FERRY3: variants seen among roughly 807,000 people sequenced by gnomAD.
FERRY3 encodes protein C12orf4.
the FERRY3 span, among the ~76,000 whole-genome samples, chr12:4,496,682 G>C: frequency 6.6e-6 from 1 of 152,152 alleles, no homozygotes; most frequent in African/African-American, 2.4e-5. Context: ...TACTCAACTT[G>C]AATCCTCTCA....
At chr12:4,514,160 G>C in the FERRY3 span, among the ~76,000 whole-genome samples, 1 of 151,538 alleles carries the variant, frequency 6.6e-6, no homozygotes, top group Non-Finnish European at 1.5e-5. Flanking sequence ...ATCATTACTG[G>C]CCATCAGAGA....
the FERRY3 span, among the ~76,000 whole-genome samples, chr12:4,519,734 G>A: frequency 1.3e-5 from 2 of 152,196 alleles, no homozygotes; most frequent in Non-Finnish European, 2.9e-5. This position sits in a 1 kb window ranked among gnomAD's most constrained non-coding sequence, Gnocchi z 4.3. Context: ...ATTACCACCT[G>A]AGCTCCACCT....
At chr12:4,516,395 A>G in the FERRY3 span, among the ~76,000 whole-genome samples, 1 of 152,236 alleles carries the variant, frequency 6.6e-6, no homozygotes, top group African/African-American at 2.4e-5. Flanking sequence ...AAATCATTCT[A>G]TATAAAGATA....
the FERRY3 span, among the ~76,000 whole-genome samples, chr12:4,504,651 A>G: frequency 6.6e-6 from 1 of 152,232 alleles, no homozygotes; most frequent in South Asian, 2.1e-4. Flanking sequence ...TATAGTTTAT[A>G]TTTCAGAGTA....
chr12:4,516,124 A>G, the FERRY3 span, among the ~76,000 whole-genome samples: 2 of 152,200 alleles, frequency 1.3e-5, no homozygotes, highest in African/African-American at 4.8e-5. Context: ...ATATGACATA[A>G]AAAGGTGTGT....
chr12:4,529,955 A>C, the FERRY3 span: 1 of 1,613,566 alleles, frequency 6.2e-7, no homozygotes, highest in South Asian at 1.1e-5. Context: ...AATTTAAGAG[A>C]GTTTCAGAGG....
At chr12:4,503,696 T>C in the FERRY3 span, among the ~76,000 whole-genome samples, 193 of 152,244 alleles carry the variant, frequency 1.3e-3, 1 homozygote, top group African/African-American at 4.4e-3. Context: ...AGATAAAGTA[T>C]ACAAATAAGA....
At chr12:4,525,328 G>A in the FERRY3 span, 1 of 1,613,306 alleles carries the variant, frequency 6.2e-7, no homozygotes, top group Admixed American at 1.7e-5. Flanking sequence ...CTTGTTTTTG[G>A]ATGGCAGTTG....
the FERRY3 span, among the ~76,000 whole-genome samples, chr12:4,532,928 C>T: frequency 6.6e-6 from 1 of 152,184 alleles, no homozygotes; most frequent in Non-Finnish European, 1.5e-5. Flanking sequence ...GCAGAAAAAT[C>T]ACAAAACTCT....
the FERRY3 span, chr12:4,489,990 C>G: frequency 6.1e-6 from 5 of 821,234 alleles, no homozygotes; most frequent in Non-Finnish European, 9.6e-6. Context: ...GGACCTAGTT[C>G]TACTAGGAAT....
chr12:4,500,407 A>G, the FERRY3 span: 1 of 1,406,984 alleles, frequency 7.1e-7, no homozygotes, highest in East Asian at 2.4e-5. Flanking sequence ...AATGGGCTTT[A>G]TAAGTAAGTG....
the FERRY3 span, chr12:4,490,537 T>C: frequency 1.2e-6 from 2 of 1,606,164 alleles, no homozygotes; most frequent in Non-Finnish European, 1.7e-6. Context: ...GTACTAGAAA[T>C]TGCACTGTCC....
chr12:4,492,853 C>G, the FERRY3 span, among the ~76,000 whole-genome samples: 1 of 152,178 alleles, frequency 6.6e-6, no homozygotes, highest in Non-Finnish European at 1.5e-5. Context: ...GTAAGCCTTT[C>G]TTTTACTATT....
chr12:4,534,513 C>G, the FERRY3 span, among the ~76,000 whole-genome samples: 5,521 of 152,206 alleles, frequency 0.036, 332 homozygotes, highest in African/African-American at 0.12. Context: ...CAGTGATCCT[C>G]CCACCTCAGC....
chr12:4,509,363 C>A, the FERRY3 span: 1 of 171,830 alleles, frequency 5.8e-6, no homozygotes, highest in South Asian at 1.4e-4. Flanking sequence ...GTAAACAAAG[C>A]AGCCGGGAAG....
At chr12:4,502,068 G>C in the FERRY3 span, among the ~76,000 whole-genome samples, 1 of 152,204 alleles carries the variant, frequency 6.6e-6, no homozygotes, top group Non-Finnish European at 1.5e-5. The surrounding 1 kb of genome is among the most constrained non-coding windows in gnomAD (Gnocchi z 4.2). Context: ...TCACAGGGCT[G>C]ACTTCTTTTC....
chr12:4,500,134 T>G, the FERRY3 span: 1 of 1,608,912 alleles, frequency 6.2e-7, no homozygotes, highest in Admixed American at 1.7e-5. Context: ...TTCTATCTGC[T>G]TACCTCTGAC....
the FERRY3 span, chr12:4,505,435 A>G: frequency 2.6e-5 from 30 of 1,172,320 alleles, no homozygotes; most frequent in Non-Finnish European, 3.7e-5. Flanking sequence ...AGAATATGTT[A>G]CTATGACTGC....
chr12:4,507,751 G>T, the FERRY3 span, among the ~76,000 whole-genome samples: 1 of 152,150 alleles, frequency 6.6e-6, no homozygotes, highest in Non-Finnish European at 1.5e-5. Flanking sequence ...GGACTGATAC[G>T]AAATGACCTC....
Sources: gnomAD v4.1 joint callset for allele counts (sites outside exome capture counted in the v4.1 genomes callset) on GRCh38, gnomAD v4.1.1 for gene constraint, Gnocchi (gnomAD v3.1) non-coding constraint, MANE v1.5 for transcripts, NCBI Gene and HGNC (gene_info 2026-07-23, HGNC 2026-07-21) for gene names.